NEK4: variants seen among roughly 807,000 people sequenced by gnomAD.
NEK4 encodes NIMA related kinase 4.
A neutral mutation model predicts 98.4 loss-of-function variants in NEK4; 86 were observed. The ratio of observed to expected loss-of-function variants is 0.87; its 90% CI spans 0.73 to 1.05. The LOEUF is 1.05. Ranked by LOEUF, NEK4 falls within the 50% of genes least tolerant of loss-of-function variation. The probability of loss-of-function intolerance (pLI) is 0.00; values close to 1 mark genes in which losing one functional copy is unlikely to be tolerated. For missense variants in NEK4, 898 were observed against 950.3 expected, an observed-to-expected ratio of 0.94 and a Z score of 0.72; for synonymous variants, 328 against 342.2, an observed-to-expected ratio of 0.96 and a Z score of 0.46.
intron 2 of NEK4, 122 bp from the exon 3 acceptor site, chr3:52,766,497 C>A (rs1698565047): frequency 1.5e-6 from 1 of 657,316 alleles, no homozygotes; most frequent in Admixed American, 2.7e-5. Context: ...GAGTAACCAA[C>A]CATACAATTC....
At chr3:52,724,000 C>T (rs78951517) in intron 15 of NEK4, among the ~76,000 whole-genome samples, 1,868 of 152,206 alleles carry the variant, frequency 0.012, 49 homozygotes, top group African/African-American at 0.043. Context: ...TGGGAGGCCA[C>T]GGCGGGTGGA....
intron 15 of NEK4, among the ~76,000 whole-genome samples, chr3:52,714,413 C>T (rs1292633759): frequency 6.6e-6 from 1 of 152,226 alleles, no homozygotes; most frequent in Admixed American, 6.5e-5. Flanking sequence ...ATGGCAGGAG[C>T]AGCTGCAGAA....
intron 15 of NEK4, among the ~76,000 whole-genome samples, chr3:52,719,468 A>G (rs1189579175): frequency 6.6e-6 from 1 of 151,938 alleles, no homozygotes; most frequent in Non-Finnish European, 1.5e-5. Context: ...CTGTAGTCCC[A>G]GTTACTCGGA....
chr3:52,763,191 T>G (rs1698422327), intron 5 of NEK4, among the ~76,000 whole-genome samples: 1 of 152,194 alleles, frequency 6.6e-6, no homozygotes, highest in Non-Finnish European at 1.5e-5. Flanking sequence ...AGAAGTTAGG[T>G]CTTCATTTCC....
Position 52,768,390 on chromosome 3 carries a change from A to G in NEK4, c.308T>C (p.Leu103Pro). ...RKLKEQKGQL[L>P]PENQVVEWFV... is the part of the protein sequence containing the mutation. ...CCACTCTACCACCTGATTCTCAGGC[A>G]GAAGCTGCCCTTTCTGCTCCTTGAG... Residue 103 changes from leucine (L) to proline (P), a missense_variant, in exon 2 of 16, where the codon CTG becomes CCG. Physicochemically the swap from Leu to Pro is moderately conservative, Grantham distance 98. Transcript: ENST00000233027. 2 of 1,614,174 alleles carry G rather than the reference A, an allele frequency of 1.2e-6. No individual in the cohort carries two copies. Among genetic ancestry groups the G allele is most frequent in the Non-Finnish European group, 1.7e-6 (2 of 1,179,992 alleles).
At chr3:52,720,153 T>C (rs2097358784) in intron 15 of NEK4, among the ~76,000 whole-genome samples, 1 of 151,974 alleles carries the variant, frequency 6.6e-6, no homozygotes, top group Non-Finnish European at 1.5e-5. Flanking sequence ...CGTGGTGGCA[T>C]ATGCCTGTAG....
rs2230537 is a variant in NEK4, at chr3:52,752,230, G to A, written c.1070C>T (p.Thr357Ile). ...HTCKQDLSNT[T>I]ELATISSVNI... ...TACGCTACTGATTGTGGCTAGTTCT[G>A]TGGTATTGCTCAAGTCCTGTTTGCA... The change falls in exon 7 of 16, where the codon ACA becomes ATA. Residue 357 changes from threonine to isoleucine, a missense_variant. Physicochemically the swap from Thr to Ile is moderately conservative, Grantham distance 89 (BLOSUM62 -1). Transcript: ENST00000233027. 2.4e-3 allele frequency: 3,859 copies of A among 1,614,178 alleles called. 92 individuals are homozygous for A. In the African/African-American group the frequency reaches 0.045, roughly 19 times the overall value.
intron 12 of NEK4, 98 bp downstream of exon 12, chr3:52,743,254 G>T: frequency 1.1e-6 from 1 of 874,762 alleles, no homozygotes; most frequent in Non-Finnish European, 1.9e-6. Context: ...AGCTGGCCCT[G>T]TCCCAAAAAT....
Position 52,710,268 on chromosome 3 carries a change from G to A in NEK4, c.*1509C>T, listed in dbSNP as rs960800266. The A allele has an allele frequency of 6.6e-6, 1 of 151,984 alleles. No individual in the cohort carries two copies. Among genetic ancestry groups the A allele is most frequent in the African/African-American group, 2.4e-5 (1 of 41,354 alleles). 9.4% of individuals were successfully genotyped at this position (151,984 alleles called of 1,614,324 possible). ...TAGTCCCAGCTACTCGAGAGGATGA[G>A]GTAGGAGAATGGAGTGAACCTGGGA... On this transcript the variant is annotated 3_prime_UTR_variant, in exon 16 of 16. Coordinates refer to ENST00000233027, the MANE Select transcript of NEK4 (RefSeq NM_003157.6).
chr3:52,709,456 C>T lies in NEK4; in HGVS notation c.*2321G>A, dbSNP rs954998524. ...GTGTGGTGGTTCATGCCTATAATCC[C>T]AGCACTTTCAGAGGCCGATGCAGGA... On this transcript the variant is annotated 3_prime_UTR_variant, in exon 16 of 16. Coordinates refer to ENST00000233027, the MANE Select transcript of NEK4 (RefSeq NM_003157.6). The T allele has an allele frequency of 3.3e-5, 5 of 151,406 alleles. No individual in the cohort carries two copies. Among genetic ancestry groups the T allele is most frequent in the African/African-American group, 1.2e-4 (5 of 41,172 alleles). 9.4% of individuals were successfully genotyped at this position (151,406 alleles called of 1,614,324 possible).
chr3:52,768,645 G>C, intron 1 of NEK4, 41 bp from the exon 2 acceptor site: 3 of 1,595,772 alleles, frequency 1.9e-6, no homozygotes, highest in Non-Finnish European at 2.6e-6. Context: ...GCAAATAAAC[G>C]TAAGATTTGT....
intron 4 of NEK4, 41 bp downstream of exon 4, chr3:52,765,846 C>T (rs1184299999): frequency 8.3e-7 from 1 of 1,208,808 alleles, no homozygotes; most frequent in Admixed American, 1.7e-5. Context: ...TAAAGCTGCA[C>T]TATAGAAATA....
intron 15 of NEK4, among the ~76,000 whole-genome samples, chr3:52,717,508 G>T (rs965804874): frequency 1.3e-5 from 2 of 151,836 alleles, no homozygotes; most frequent in Admixed American, 1.3e-4. Flanking sequence ...TGCCAAGTAT[G>T]CCAAGAAGAT....
intron 6 of NEK4, chr3:52,754,645 C>G: frequency 1.4e-6 from 1 of 696,340 alleles, no homozygotes; most frequent in Non-Finnish European, 2.6e-6. Flanking sequence ...TAGGTAAAGC[C>G]TGGCTCAGTA....
At chr3:52,760,000 A>C (rs917985293) in intron 6 of NEK4, among the ~76,000 whole-genome samples, 14 of 152,202 alleles carry the variant, frequency 9.2e-5, no homozygotes, top group Admixed American at 3.3e-4. Context: ...TTTACATGAA[A>C]TATCCAGGAC....
At chr3:52,763,685 G>A in intron 4 of NEK4, 61 bp from the exon 5 acceptor site, 1 of 1,276,546 alleles carries the variant, frequency 7.8e-7, no homozygotes, top group Non-Finnish European at 1.1e-6. Flanking sequence ...AGTAAAAGCT[G>A]GTAGAGGTTT....
chr3:52,757,327 G>A (rs569575070), intron 6 of NEK4, among the ~76,000 whole-genome samples: 1 of 152,304 alleles, frequency 6.6e-6, no homozygotes, highest in East Asian at 1.9e-4. Flanking sequence ...GGAGGCCAAG[G>A]CGGGTGGATT....
intron 1 of NEK4, 115 bp downstream of exon 1, chr3:52,770,539 G>A: frequency 2.6e-6 from 2 of 764,532 alleles, no homozygotes; most frequent in Non-Finnish European, 4.4e-6. Context: ...ATTTCCCTGA[G>A]GAAACGCCAT....
At chr3:52,753,945 G>A in intron 6 of NEK4, 1 of 282,554 alleles carries the variant, frequency 3.5e-6, no homozygotes, top group South Asian at 3.5e-5. Context: ...CGAGGCGGTG[G>A]AGCACTCAGG....
Sources: gnomAD v4.1 joint callset for allele counts (sites outside exome capture counted in the v4.1 genomes callset) on GRCh38, gnomAD v4.1.1 for gene constraint, MANE v1.5 for transcripts, NCBI Gene and HGNC (gene_info 2026-07-23, HGNC 2026-07-21) for gene names.